Variants in PLK4 observed in about 807,000 individuals in gnomAD.
The protein encoded by PLK4 is polo like kinase 4, also known as serine/threonine-protein kinase PLK4.
In PLK4, 51 loss-of-function variants were observed where a neutral mutation model predicts 103.0. The observed-to-expected ratio is 0.50, with a 90% confidence interval of 0.40 to 0.63. The LOEUF is 0.63. Ranked by LOEUF, PLK4 falls within the 20% of genes least tolerant of loss-of-function variation. The probability of loss-of-function intolerance (pLI) is 0.00; values close to 1 mark genes in which losing one functional copy is unlikely to be tolerated. For missense variants in PLK4, 1,054 were observed against 1,151.0 expected, an observed-to-expected ratio of 0.92 and a Z score of 1.22; for synonymous variants, 389 against 376.8, an observed-to-expected ratio of 1.03 and a Z score of -0.38.
chr4:127,892,646 A>C (rs1361799861), intron 10 of PLK4, 132 bp downstream of exon 10: 1 of 632,158 alleles, frequency 1.6e-6, no homozygotes, highest in Non-Finnish European at 2.7e-6. Flanking sequence ...TATAAATTGC[A>C]CAGCGGAGTA....
intron 4 of PLK4, among the ~76,000 whole-genome samples, chr4:127,884,500 T>C (rs1278248572): frequency 6.6e-6 from 1 of 152,214 alleles, no homozygotes; most frequent in Non-Finnish European, 1.5e-5. Context: ...TTTATAATAC[T>C]TCATTAAAAA....
At position 127,890,223 on chromosome 4, in the gene PLK4, C is replaced by A. The variant is rs1304816543; in HGVS notation, c.1817C>A (p.Thr606Asn). The A allele has an allele frequency of 3.1e-6, 5 of 1,594,726 alleles. No homozygotes were observed. Among genetic ancestry groups the A allele is most frequent in the Admixed American group, 3.6e-5 (2 of 55,894 alleles). The change falls in exon 7 of 16, where the codon ACC becomes AAC. Residue 606 changes from threonine to asparagine, a missense_variant. By Grantham distance (65) the Thr-to-Asn change is moderately conservative. Transcript: ENST00000270861. ...AHRLKPIRQKTKKAVVSILDS... is the reference protein window; with the variant it reads ...AHRLKPIRQKNKKAVVSILDS... ...AGGTTAAAACCAATCAGACAGAAAA[C>A]CAAAAAGGCTGTGGTATGTCTGTTA...
intron 15 of PLK4, among the ~76,000 whole-genome samples, chr4:127,897,257 G>T (rs954975787): frequency 6.6e-6 from 1 of 152,116 alleles, no homozygotes; most frequent in African/African-American, 2.4e-5. Flanking sequence ...ACAGAAAAAA[G>T]AAATCTTTAA....
chr4:127,894,222 A>T (rs771632058), intron 13 of PLK4, among the ~76,000 whole-genome samples: 35 of 151,964 alleles, frequency 2.3e-4, no homozygotes, highest in Admixed American at 3.9e-4. Context: ...GTGTATTAAC[A>T]TATACATATG....
chr4:127,898,121 C>T (rs1287341897), intron 15 of PLK4, among the ~76,000 whole-genome samples: 1 of 152,070 alleles, frequency 6.6e-6, no homozygotes, highest in Non-Finnish European at 1.5e-5. Flanking sequence ...CAGGCATTAA[C>T]CACCGCGCCT....
At chr4:127,881,496 T>G (rs1377283987) in intron 1 of PLK4, 2 of 949,952 alleles carry the variant, frequency 2.1e-6, no homozygotes, top group Non-Finnish European at 2.9e-6. Flanking sequence ...GGCGGTTATC[T>G]CCGGCGGGAG....
intron 4 of PLK4, among the ~76,000 whole-genome samples, chr4:127,883,764 C>G (rs536136832): frequency 3.3e-5 from 5 of 152,256 alleles, no homozygotes; most frequent in African/African-American, 1.2e-4. Flanking sequence ...AATTTGTTAT[C>G]CTTCTGTCCT....
chr4:127,888,203 A>AAAAAAAAAAAAAAAAAAAT, intron 6 of PLK4, among the ~76,000 whole-genome samples: 1 of 143,074 alleles, frequency 7.0e-6, no homozygotes, highest in Non-Finnish European at 1.5e-5. Flanking sequence ...AAAAAAAAAA[A>AAAAAAAAAAAAAAAAAAAT]AAAAAAAAAG....
intron 13 of PLK4, among the ~76,000 whole-genome samples, 160 bp downstream of exon 13, chr4:127,894,041 G>T (rs895753197): frequency 6.6e-6 from 1 of 152,086 alleles, no homozygotes; most frequent in Admixed American, 6.5e-5. Flanking sequence ...AGCGTCAAAG[G>T]CCTTCTTTCA....
At chr4:127,897,987 C>A (rs571353240) in intron 15 of PLK4, among the ~76,000 whole-genome samples, 1 of 151,356 alleles carries the variant, frequency 6.6e-6, no homozygotes, top group Non-Finnish European at 1.5e-5. Flanking sequence ...TACAGGCATA[C>A]GCCACCACAC....
chr4:127,885,789 C>G lies in PLK4; in HGVS notation c.419C>G (p.Ser140Cys), dbSNP rs768708568. ...ATACTACACCGGGACCTCACACTTT[C>G]TAACCTCCTACTGACTCGTAATATG... ...HGILHRDLTLSNLLLTRNMNI... is the reference protein window; with the variant it reads ...HGILHRDLTLCNLLLTRNMNI... Residue 140 changes from serine to cysteine, a missense_variant, in exon 5 of 16, where the codon TCT (serine) becomes TGT (cysteine). Transcript: ENST00000270861. The G allele has an allele frequency of 1.9e-6, 3 of 1,613,904 alleles. No individual in the cohort carries two copies. The highest frequency in any genetic ancestry group is 1.1e-5 in the South Asian group (1 of 91,072).
chr4:127,886,981 A>G (rs1735162175), intron 5 of PLK4, among the ~76,000 whole-genome samples: 1 of 152,270 alleles, frequency 6.6e-6, no homozygotes, highest in Admixed American at 6.5e-5. Context: ...CTCCAGTGCA[A>G]AGTATCATAT....
At chr4:127,881,984 A>C (rs866200281) in intron 2 of PLK4, 58 bp downstream of exon 2, 1 of 917,636 alleles carries the variant, frequency 1.1e-6, no homozygotes, top group Middle Eastern at 2.3e-4. Context: ...GAGAGGTATC[A>C]GAGATGTCAG....
chr4:127,891,033 C>G (rs1735334928), intron 7 of PLK4, 59 bp from the exon 8 acceptor site: 13 of 913,228 alleles, frequency 1.4e-5, no homozygotes, highest in Non-Finnish European at 1.9e-5. Context: ...TTATGTATGT[C>G]AGAGCTGTTC....
At chr4:127,883,051 AG>A (rs1734988204) in intron 2 of PLK4, among the ~76,000 whole-genome samples, 1 of 152,214 alleles carries the variant, frequency 6.6e-6, no homozygotes, top group Non-Finnish European at 1.5e-5. Flanking sequence ...AAATTGAGAT[AG>A]GATATTAGAA....
At chr4:127,885,127 TA>T (rs1301861437) in intron 4 of PLK4, among the ~76,000 whole-genome samples, 2 of 152,174 alleles carry the variant, frequency 1.3e-5, no homozygotes, top group African/African-American at 2.4e-5. Context: ...TAACTGCATG[TA>T]AAACGCTCAT....
intron 1 of PLK4, among the ~76,000 whole-genome samples, 159 bp from the exon 2 acceptor site, chr4:127,881,672 A>AT (rs1734933770): frequency 1.3e-5 from 2 of 152,050 alleles, no homozygotes; most frequent in African/African-American, 2.4e-5. Context: ...CGGAGTCAAC[A>AT]TGCCTTCCAC....
intron 2 of PLK4, among the ~76,000 whole-genome samples, chr4:127,882,549 C>T (rs1199257297): frequency 6.6e-6 from 1 of 152,122 alleles, no homozygotes; most frequent in African/African-American, 2.4e-5. Context: ...CACCTGAGGT[C>T]GGTAGTTCAA....
intron 4 of PLK4, among the ~76,000 whole-genome samples, chr4:127,884,669 T>C (rs548094625): frequency 1.6e-4 from 24 of 152,246 alleles, no homozygotes; most frequent in African/African-American, 4.8e-4. Context: ...CCGGGCACGG[T>C]GGCTCATGCC....
Sources: gnomAD v4.1 joint callset for allele counts (sites outside exome capture counted in the v4.1 genomes callset) on GRCh38, gnomAD v4.1.1 for gene constraint, MANE v1.5 for transcripts, NCBI Gene and HGNC (gene_info 2026-07-23, HGNC 2026-07-21) for gene names.